The following MARCHF11 variants were observed in gnomAD, a reference collection of about 807,000 sequenced individuals.
MARCHF11 encodes membrane associated ring-CH-type finger 11.
A neutral mutation model predicts 37.3 loss-of-function variants in MARCHF11; 29 were observed. The observed-to-expected ratio is 0.78, with a 90% CI of 0.58 to 1.06. MARCHF11 has a LOEUF of 1.06. Among genes scored for constraint, MARCHF11 ranks in the 50% least tolerant of loss-of-function variants. MARCHF11 has a pLI of 0.00. For synonymous variants in MARCHF11, 233 were observed against 228.0 expected (o/e 1.02, Z -0.20); for missense variants, 482 against 533.4 (o/e 0.90, Z 0.95).
At chr5:16,152,320 C>T (rs760204770) in intron 2 of MARCHF11, among the ~76,000 whole-genome samples, 7 of 151,896 alleles carry the variant, frequency 4.6e-5, no homozygotes, top group Non-Finnish European at 8.8e-5. Flanking sequence ...GTTTCTGGGA[C>T]AAGCAAGGCT....
chr5:16,162,414 A>G (rs1048390289), intron 2 of MARCHF11, among the ~76,000 whole-genome samples: 1 of 152,084 alleles, frequency 6.6e-6, no homozygotes, highest in Non-Finnish European at 1.5e-5. Flanking sequence ...TCAGTAGGAA[A>G]ACAAACCATA....
chr5:16,159,255 G>T (rs1332493128), intron 2 of MARCHF11, among the ~76,000 whole-genome samples: 2 of 135,614 alleles, frequency 1.5e-5, no homozygotes, highest in Non-Finnish European at 3.2e-5. Context: ...GAAGCTTCCT[G>T]CTCCTAAAGT....
intron 2 of MARCHF11, among the ~76,000 whole-genome samples, chr5:16,144,579 C>T (rs1737771221): frequency 6.6e-6 from 1 of 152,118 alleles, no homozygotes; most frequent in South Asian, 2.1e-4. Flanking sequence ...TTTAACTTTT[C>T]GTTAAGGCGT....
At chr5:16,096,162 C>G (rs1240338840) in intron 2 of MARCHF11, among the ~76,000 whole-genome samples, 1 of 152,200 alleles carries the variant, frequency 6.6e-6, no homozygotes, top group Non-Finnish European at 1.5e-5. Context: ...AAAGGAAAAA[C>G]AACACGGGCT....
intron 2 of MARCHF11, among the ~76,000 whole-genome samples, chr5:16,160,340 T>G (rs924093188): frequency 6.9e-6 from 1 of 144,848 alleles, no homozygotes; most frequent in African/African-American, 2.5e-5. Flanking sequence ...ATTTAATATA[T>G]TAATTATATA....
intron 2 of MARCHF11, among the ~76,000 whole-genome samples, chr5:16,142,577 A>G (rs78587554): frequency 0.036 from 5,414 of 152,166 alleles, 145 homozygotes; most frequent in Non-Finnish European, 0.053. Flanking sequence ...TGAGCTGTAC[A>G]GTCTTGTGAA....
intron 2 of MARCHF11, among the ~76,000 whole-genome samples, chr5:16,171,044 T>C (rs1011893317): frequency 5.9e-5 from 9 of 152,180 alleles, no homozygotes; most frequent in Non-Finnish European, 1.0e-4. Context: ...AGAAACTGTT[T>C]CAAAGAAGCA....
rs1345545708 is a variant in MARCHF11 at position 16,091,040 on chromosome 5, C to A, written c.735G>T (p.Met245Ile). The change falls in exon 3 of 4, where the codon ATG (methionine) becomes ATT (isoleucine). Residue 245 changes from methionine to isoleucine, a missense_variant. Coordinates refer to ENST00000332432, the MANE Select transcript of MARCHF11 (RefSeq NM_001102562.3). The stretch of plus-strand genomic sequence containing the variant: ...ACAGGGATCCTAGGATTACAGCAAT[C>A]ATCTGAACTTTCTCAACCAGTGTTA... ...ISITLVEKVQ[M>I]IAVILGSLFL... 3 of 1,604,286 alleles carry A rather than the reference C, an allele frequency of 1.9e-6. No individual in the cohort carries two copies. In the African/African-American group the frequency reaches 4.0e-5, roughly 22 times the overall value.
At chr5:16,155,801 T>C (rs560642760) in intron 2 of MARCHF11, among the ~76,000 whole-genome samples, 1 of 152,056 alleles carries the variant, frequency 6.6e-6, no homozygotes, top group Admixed American at 6.6e-5. Flanking sequence ...CAGCTATTAT[T>C]GTCAGTAAGT....
chr5:16,166,666 A>G (rs978881765), intron 2 of MARCHF11, among the ~76,000 whole-genome samples: 1 of 152,078 alleles, frequency 6.6e-6, no homozygotes, highest in Non-Finnish European at 1.5e-5. Flanking sequence ...AATCATTTAT[A>G]TAGAAATGGT....
At chr5:16,105,172 T>G (rs1056795003) in intron 2 of MARCHF11, among the ~76,000 whole-genome samples, 1 of 152,232 alleles carries the variant, frequency 6.6e-6, no homozygotes, top group Non-Finnish European at 1.5e-5. Flanking sequence ...TCTCCTTTCC[T>G]GACATCCTGC....
chr5:16,135,731 C>T (rs1051774085), intron 2 of MARCHF11, among the ~76,000 whole-genome samples: 5 of 151,874 alleles, frequency 3.3e-5, no homozygotes, highest in Non-Finnish European at 7.4e-5. Flanking sequence ...AATCATACTA[C>T]GTAATACATA....
chr5:16,132,949 CA>C (rs1465422223), intron 2 of MARCHF11, among the ~76,000 whole-genome samples: 1 of 151,804 alleles, frequency 6.6e-6, no homozygotes, highest in African/African-American at 2.4e-5. Context: ...GGAATGGATG[CA>C]AAAAATAAAG....
At chr5:16,153,933 T>G (rs753903104) in intron 2 of MARCHF11, among the ~76,000 whole-genome samples, 3 of 151,852 alleles carry the variant, frequency 2.0e-5, no homozygotes, top group Non-Finnish European at 4.4e-5. Flanking sequence ...CCATGGGGAA[T>G]GTGGATGTGA....
chr5:16,167,280 T>C (rs570516655), intron 2 of MARCHF11, among the ~76,000 whole-genome samples: 2 of 152,050 alleles, frequency 1.3e-5, no homozygotes, highest in South Asian at 4.2e-4. Flanking sequence ...AGAGCCAAGA[T>C]TGTGGTTCCA....
At chr5:16,176,443 T>C (rs1248564041) in intron 2 of MARCHF11, among the ~76,000 whole-genome samples, 1 of 152,208 alleles carries the variant, frequency 6.6e-6, no homozygotes, top group Admixed American at 6.5e-5. Context: ...ACCCAAGTAG[T>C]TCAATCAGAG....
intron 2 of MARCHF11, among the ~76,000 whole-genome samples, chr5:16,171,327 A>G (rs1365338780): frequency 6.6e-6 from 1 of 150,772 alleles, no homozygotes; most frequent in Non-Finnish European, 1.5e-5. Context: ...TTCATTCAAA[A>G]TTACAAAGAA....
rs185788718 is a variant in MARCHF11 at position 16,126,503 on chromosome 5, G to T, written c.694-35422C>A. On this transcript the variant is annotated intron_variant, in intron 2 of 3. Transcript: ENST00000332432. ...CTTAAGTTCTTAACTGCAAAGCCCCGATTTAATACTTCTCATTGTTATAAC... is the reference window on the plus strand; with the variant it reads ...CTTAAGTTCTTAACTGCAAAGCCCCTATTTAATACTTCTCATTGTTATAAC... Among the ~76,000 whole-genome samples the T allele has an allele frequency of 3.0e-3, 452 of 152,226 alleles. 6 individuals carry two copies. The highest frequency in any genetic ancestry group is 9.8e-3 in the African/African-American group (409 of 41,532).
chr5:16,173,218 G>C (rs1443877178), intron 2 of MARCHF11, among the ~76,000 whole-genome samples: 1 of 152,170 alleles, frequency 6.6e-6, no homozygotes, highest in Non-Finnish European at 1.5e-5. Flanking sequence ...AGGAAAGTTG[G>C]TGAACATCAT....
Sources: gnomAD v4.1 joint callset for allele counts (sites outside exome capture counted in the v4.1 genomes callset) on GRCh38, gnomAD v4.1.1 for gene constraint, MANE v1.5 for transcripts, NCBI Gene and HGNC (gene_info 2026-07-23, HGNC 2026-07-21) for gene names.